TMEM39B: variants seen among roughly 807,000 people sequenced by gnomAD.
TMEM39B encodes transmembrane protein 39B.
In TMEM39B, 23 loss-of-function variants were observed where a neutral mutation model predicts 52.2. The ratio of observed to expected loss-of-function variants is 0.44; its 90% confidence interval spans 0.32 to 0.62. TMEM39B has a LOEUF of 0.62. Among genes scored for constraint, TMEM39B ranks in the 20% least tolerant of loss-of-function variants. The pLI, the probability that TMEM39B is intolerant of heterozygous loss-of-function variation, is 0.06. For synonymous variants in TMEM39B, 285 were observed against 264.0 expected (o/e 1.08, Z -0.77); for missense variants, 547 against 642.0 (o/e 0.85, Z 1.60).
intron 2 of TMEM39B, 40 bp downstream of exon 2, chr1:32,075,117 C>G: frequency 6.5e-7 from 1 of 1,530,958 alleles, no homozygotes. Context: ...TGTGGCCTCA[C>G]AGGGACGATG....
intron 7 of TMEM39B, among the ~76,000 whole-genome samples, chr1:32,098,253 C>T (rs1018414272): frequency 2.0e-5 from 3 of 151,786 alleles, no homozygotes; most frequent in African/African-American, 4.8e-5. Flanking sequence ...TGCACACCCT[C>T]GGCCTCCCCA....
At chr1:32,072,876 G>A (rs553091845), upstream of TMEM39B, 35 of 846,626 alleles carry the variant, frequency 4.1e-5, no homozygotes, top group South Asian at 6.1e-4. Flanking sequence ...CCTTTAAGAA[G>A]CGCGCGCCAG....
At chr1:32,086,093 A>G (rs2124461683) in intron 5 of TMEM39B, among the ~76,000 whole-genome samples, 1 of 152,260 alleles carries the variant, frequency 6.6e-6, no homozygotes, top group East Asian at 1.9e-4. Flanking sequence ...TCGCCATTAG[A>G]GACCTCAATT....
rs374632355 is a variant in TMEM39B, at chr1:32,077,417, G to A, written c.590+99G>A. On this transcript the variant is annotated intron_variant, in intron 5 of 8. Coordinates refer to ENST00000336294, the MANE Select transcript of TMEM39B (RefSeq NM_018056.4). ...ACCAGGCCTCCATATCTGGAAGATC[G>A]GAGGCAGGCAGCAACATCCTCTCAC... 44 of 1,434,050 alleles carry A rather than the reference G, an allele frequency of 3.1e-5. No individual in the cohort carries two copies. In the East Asian group the frequency reaches 5.3e-4, roughly 17 times the overall value. The allele number at this position is 1,434,050 out of a possible 1,614,324, so 88.8% of individuals were successfully genotyped here.
At chr1:32,078,614 A>G (rs1169540160) in intron 5 of TMEM39B, among the ~76,000 whole-genome samples, 1 of 152,182 alleles carries the variant, frequency 6.6e-6, no homozygotes, top group Non-Finnish European at 1.5e-5. Flanking sequence ...TTCCCAAAAT[A>G]TTTTCTGTGC....
chr1:32,081,762 T>C (rs115904603), intron 5 of TMEM39B, among the ~76,000 whole-genome samples: 1,795 of 152,044 alleles, frequency 0.012, 30 homozygotes, highest in African/African-American at 0.041. Context: ...AAAAGAAAAT[T>C]ATTGATTTAT....
intron 4 of TMEM39B, 147 bp from the exon 5 acceptor site, chr1:32,077,017 G>A: frequency 7.7e-7 from 1 of 1,306,968 alleles, no homozygotes; most frequent in African/African-American, 1.5e-5. Flanking sequence ...GGGCATCAAA[G>A]AGAAGGATTT....
intron 4 of TMEM39B, 145 bp from the exon 5 acceptor site, chr1:32,077,019 G>A: frequency 1.5e-6 from 2 of 1,316,198 alleles, no homozygotes; most frequent in East Asian, 2.3e-5. Context: ...GCATCAAAGA[G>A]AAGGATTTAC....
chr1:32,092,026 C>T lies in TMEM39B; in HGVS notation c.927+15C>T. Reference sequence around the variant, plus strand: ...GGTTCGTGAAGGTGCGTACCTCAAGCCAGGGAGGGAAAGGGACTAGCTGGG... The same window carrying T: ...GGTTCGTGAAGGTGCGTACCTCAAGTCAGGGAGGGAAAGGGACTAGCTGGG... On this transcript the variant is annotated intron_variant, in intron 6 of 8. Coordinates refer to ENST00000336294, the MANE Select transcript of TMEM39B (RefSeq NM_018056.4). The T allele has an allele frequency of 6.2e-7, 1 of 1,606,604 alleles. No individual in the cohort carries two copies. The highest frequency in any genetic ancestry group is 1.1e-5 in the South Asian group (1 of 90,222).
chr1:32,076,964 C>T (rs1639889541), intron 4 of TMEM39B, 118 bp downstream of exon 4: 1 of 1,339,014 alleles, frequency 7.5e-7, no homozygotes, highest in Non-Finnish European at 1.1e-6. Flanking sequence ...TCCCTTTGGA[C>T]TTGGTTGAAG....
intron 5 of TMEM39B, among the ~76,000 whole-genome samples, chr1:32,088,630 A>T (rs1569908228): frequency 6.9e-6 from 1 of 144,624 alleles, no homozygotes; most frequent in Non-Finnish European, 1.5e-5. Flanking sequence ...TGTAGGGTGG[A>T]GGAGGTGGGA....
chr1:32,077,459 C>T (rs766766726), intron 5 of TMEM39B, 141 bp downstream of exon 5: 50 of 1,100,222 alleles, frequency 4.5e-5, no homozygotes, highest in Non-Finnish European at 6.4e-5. Flanking sequence ...AGATGACACT[C>T]ACTCACTGAG....
intron 5 of TMEM39B, among the ~76,000 whole-genome samples, chr1:32,085,653 A>G (rs1203318324): frequency 6.6e-6 from 1 of 151,646 alleles, no homozygotes; most frequent in Non-Finnish European, 1.5e-5. Flanking sequence ...CGGGAGACTG[A>G]GGCAGGAGAA....
intron 8 of TMEM39B, among the ~76,000 whole-genome samples, chr1:32,101,925 A>T (rs1641032349): frequency 6.6e-6 from 1 of 152,024 alleles, no homozygotes; most frequent in Admixed American, 6.6e-5. Flanking sequence ...CTAGCTAGGG[A>T]TGTACCTATG....
At chr1:32,080,434 G>A (rs1407407229) in intron 5 of TMEM39B, among the ~76,000 whole-genome samples, 3 of 151,804 alleles carry the variant, frequency 2.0e-5, no homozygotes, top group African/African-American at 7.2e-5. Context: ...GGGAGGCTGA[G>A]GCGGGTGGAT....
At position 32,074,997 on chromosome 1, in the gene TMEM39B, C is replaced by T. The variant is rs776062560; in HGVS notation, c.51C>T (p.Leu17=). The change falls in exon 2 of 9, where the codon CTC becomes CTT. Residue 17 remains leucine (L), a synonymous_variant. Transcript: ENST00000336294. The stretch of plus-strand genomic sequence containing the variant: ...GGACATCTTACTGTCGAAATCCGCT[C>T]TGTGAGCCGGGATCCTCGGGGGGCT... ...PNRTSYCRNP[L]CEPGSSGGSS... 9.8e-5 allele frequency: 152 copies of T among 1,551,478 alleles called. No homozygotes were observed. The highest frequency in any genetic ancestry group is 9.6e-6 in the Non-Finnish European group (11 of 1,146,962).
In TMEM39B at chr1:32,091,816, GA is replaced by G. The variant is rs1640617759; in HGVS notation, c.733del (p.Thr245ArgfsTer42). ...GGGACTACCTCCTGACACTGCGGGAGACGTGGAAGCAGCACACAAGACAGCT... is the reference window on the plus strand; with the variant it reads ...GGGACTACCTCCTGACACTGCGGGAGCGTGGAAGCAGCACACAAGACAGCT... The part of the protein sequence containing the change: ...SRDYLLTLRE[T>X]WKQHTRQLYG... On this transcript the variant is annotated frameshift_variant, in exon 6 of 9. Transcript: ENST00000336294. LOFTEE classifies it high-confidence loss of function. 2 of 1,614,124 alleles carry G rather than the reference GA, an allele frequency of 1.2e-6. No homozygotes were observed. Among genetic ancestry groups the G allele is most frequent in the African/African-American group, 2.7e-5 (2 of 74,956 alleles).
chr1:32,102,140 G>C (rs984168293), intron 8 of TMEM39B, among the ~76,000 whole-genome samples: 4 of 152,124 alleles, frequency 2.6e-5, no homozygotes, highest in Non-Finnish European at 5.9e-5. Context: ...CACAAAAAGA[G>C]TTTGAGAGAG....
intron 6 of TMEM39B, 31 bp downstream of exon 6, chr1:32,092,042 A>C (rs1190350428): frequency 4.4e-6 from 7 of 1,587,780 alleles, no homozygotes; most frequent in Non-Finnish European, 6.0e-6. Context: ...AGGGAAAGGG[A>C]CTAGCTGGGA....
Sources: gnomAD v4.1 joint callset for allele counts (sites outside exome capture counted in the v4.1 genomes callset) on GRCh38, gnomAD v4.1.1 for gene constraint, MANE v1.5 for transcripts, NCBI Gene and HGNC (gene_info 2026-07-23, HGNC 2026-07-21) for gene names.